The following PHLDB2 variants were observed in gnomAD, a reference collection of about 807,000 sequenced individuals.
PHLDB2 encodes the protein pleckstrin homology like domain family B member 2.
PHLDB2 carries 71 observed loss-of-function variants against 123.6 expected under a neutral mutation model. The ratio of observed to expected loss-of-function variants is 0.57; its 90% CI spans 0.47 to 0.70. The LOEUF is 0.70. PHLDB2 is among the 30% of genes least tolerant of loss of function. The probability of loss-of-function intolerance (pLI) is 0.00; values close to 1 mark genes in which losing one functional copy is unlikely to be tolerated. For synonymous variants in PHLDB2, 547 were observed against 541.6 expected, an observed-to-expected ratio of 1.01 and a Z score of -0.14; for missense variants, 1,446 against 1,519.5, an observed-to-expected ratio of 0.95 and a Z score of 0.80.
At chr3:111,910,285 A>G (rs1210919732) in intron 2 of PHLDB2, among the ~76,000 whole-genome samples, 3 of 152,222 alleles carry the variant, frequency 2.0e-5, no homozygotes, top group Admixed American at 1.3e-4. Context: ...CGAAAAAAAT[A>G]AAAAATATAT....
intron 1 of PHLDB2, among the ~76,000 whole-genome samples, chr3:111,864,571 A>G (rs1397713083): frequency 6.6e-6 from 1 of 152,234 alleles, no homozygotes; most frequent in Non-Finnish European, 1.5e-5. Flanking sequence ...ATAGTTGTCT[A>G]TAGCAGCTAG....
Position 111,884,467 on chromosome 3 carries a change from T to TTATACTG in PHLDB2, c.391_397dup (p.Gly133ValfsTer7). The stretch of plus-strand genomic sequence containing the variant: ...CACTTGGAAGAGCAGACTTTGATCA[T>TTATACTG]TATACTGGCCGGGACAGTGAAAGGG... On this transcript the variant is annotated frameshift_variant, in exon 2 of 18. Transcript: ENST00000431670. LOFTEE classifies it high-confidence loss of function. 1 of 1,614,190 alleles carries TTATACTG rather than the reference T, an allele frequency of 6.2e-7. No individual in the cohort carries two copies. The highest frequency in any genetic ancestry group is 8.5e-7 in the Non-Finnish European group (1 of 1,180,014).
intron 1 of PHLDB2, among the ~76,000 whole-genome samples, chr3:111,758,001 G>C (rs1224402637): frequency 6.6e-6 from 1 of 152,170 alleles, no homozygotes; most frequent in Non-Finnish European, 1.5e-5. Flanking sequence ...TGAGGTGTCA[G>C]TCTGCCCCTA....
intron 2 of PHLDB2, among the ~76,000 whole-genome samples, chr3:111,889,273 T>A (rs2066342838): frequency 6.6e-6 from 1 of 152,200 alleles, no homozygotes; most frequent in African/African-American, 2.4e-5. Flanking sequence ...AGCTGTTTTG[T>A]TGTTGTTTTT....
intron 1 of PHLDB2, among the ~76,000 whole-genome samples, chr3:111,868,324 A>G (rs1432192171): frequency 2.0e-5 from 3 of 152,186 alleles, no homozygotes; most frequent in Non-Finnish European, 4.4e-5. Context: ...CTAGCTTCAT[A>G]CATTGTAAAA....
At chr3:111,957,113 G>A (rs1315842628) in intron 12 of PHLDB2, 1 of 152,632 alleles carries the variant, frequency 6.6e-6, no homozygotes, top group Non-Finnish European at 1.5e-5. Flanking sequence ...TTAAAACAGA[G>A]AGCTGAGAAA....
chr3:111,736,873 A>C (rs2059516897), intron 1 of PHLDB2, among the ~76,000 whole-genome samples: 1 of 152,216 alleles, frequency 6.6e-6, no homozygotes, highest in Non-Finnish European at 1.5e-5. Flanking sequence ...ATAAGATATC[A>C]AAGGGGTTCT....
Position 111,779,949 on chromosome 3 carries a change from A to T in PHLDB2, c.-49+47246A>T, listed in dbSNP as rs527747062. ...GCTATTTATCACCCCACACATTCAG[A>T]TTTTTAGGAAGAGGAGAGTCGAGGA... is the stretch of plus-strand genomic sequence containing the variant. On this transcript the variant is annotated intron_variant, in intron 1 of 17. Transcript: ENST00000393923. The T allele has an allele frequency of 1.3e-5, 11 of 842,060 alleles. No individual in the cohort carries two copies. In the South Asian group the frequency reaches 5.4e-4, roughly 42 times the overall value. 52.2% of individuals were successfully genotyped at this position (842,060 alleles called of 1,614,324 possible). A position where few individuals can be genotyped will look rare whatever the true frequency, so the allele number is the denominator to read the frequency against.
Position 111,884,100 on chromosome 3 carries a change from A to G in PHLDB2, c.23A>G (p.Gln8Arg). 1.2e-6 allele frequency: 2 copies of G among 1,613,806 alleles called. No individual in the cohort carries two copies. The highest frequency in any genetic ancestry group is 1.7e-6 in the Non-Finnish European group (2 of 1,179,848). MEEHSYI[Q>R]KELDLQNGSL... ...ATTATGGAAGAGCATAGCTACATAC[A>G]AAAGGAGCTAGATTTACAAAATGGT... is the stretch of plus-strand genomic sequence containing the variant. The change falls in exon 2 of 18, where the codon CAA becomes CGA. Residue 8 changes from glutamine to arginine, a missense_variant. Gln to Arg is a conservative substitution (Grantham distance 43). Coordinates refer to ENST00000431670, the MANE Select transcript of PHLDB2 (RefSeq NM_001134438.2).
At chr3:111,887,687 A>AT (rs747731541) in intron 2 of PHLDB2, among the ~76,000 whole-genome samples, 133 of 152,258 alleles carry the variant, frequency 8.7e-4, no homozygotes, top group Admixed American at 1.6e-3. Flanking sequence ...TTAGAAATTC[A>AT]TTTTTTATTA....
In PHLDB2 at chr3:111,853,563, A is replaced by G. The variant is rs1203504873; in HGVS notation, c.67+7628A>G. ...CCTCTGTGCAAGGAATGGTACCTAC[A>G]TTAACACACTGGCTCATAAAATGTG... On this transcript the variant is annotated intron_variant, in intron 2 of 17. Transcript: ENST00000393923. 2.0e-5 allele frequency among the ~76,000 whole-genome samples: 3 copies of G among 152,118 alleles called. No individual in the cohort carries two copies. The East Asian group carries it at 5.8e-4, about 29-fold the overall frequency.
chr3:111,949,781 C>G (rs1423979839), intron 10 of PHLDB2: 2 of 985,336 alleles, frequency 2.0e-6, no homozygotes, highest in Non-Finnish European at 2.4e-6. Flanking sequence ...ACATCAGCCC[C>G]ATGGCCTGAA....
chr3:111,780,364 G>C (rs993100405), intron 1 of PHLDB2, among the ~76,000 whole-genome samples: 30 of 34,362 alleles, frequency 8.7e-4, no homozygotes, highest in Admixed American at 1.6e-3. Context: ...AGAAGAAGAA[G>C]AAGAAGAAGA....
At chr3:111,812,373 A>G (rs1186902049) in intron 1 of PHLDB2, among the ~76,000 whole-genome samples, 1 of 152,212 alleles carries the variant, frequency 6.6e-6, no homozygotes, top group African/African-American at 2.4e-5. Context: ...TAAGAACAGT[A>G]CTCTGCAAGG....
intron 1 of PHLDB2, among the ~76,000 whole-genome samples, chr3:111,759,866 ACAAT>A (rs1348969332): frequency 6.6e-6 from 1 of 152,222 alleles, no homozygotes; most frequent in Non-Finnish European, 1.5e-5. Flanking sequence ...TAATTGGGTG[ACAAT>A]CAAGAGTTCG....
At chr3:111,837,638 G>A (rs2108529434) in intron 1 of PHLDB2, among the ~76,000 whole-genome samples, 1 of 152,220 alleles carries the variant, frequency 6.6e-6, no homozygotes, top group East Asian at 1.9e-4. Flanking sequence ...TTTTTTTATG[G>A]GATCATTCTG....
intron 2 of PHLDB2, among the ~76,000 whole-genome samples, chr3:111,902,332 C>T (rs1258802169): frequency 6.6e-6 from 1 of 152,120 alleles, no homozygotes; most frequent in East Asian, 1.9e-4. Flanking sequence ...TAGCTCATGC[C>T]TGTAAATGCC....
rs531200837 is a variant in PHLDB2, at chr3:111,822,315, G to A, written c.-48-23506G>A. Among the ~76,000 whole-genome samples, 398 of 147,386 alleles carry A rather than the reference G, an allele frequency of 2.7e-3. 1 individual carries two copies. The highest frequency in any genetic ancestry group is 6.5e-3 in the Admixed American group (97 of 14,996). On this transcript the variant is annotated intron_variant, in intron 1 of 17. Coordinates refer to the PHLDB2 transcript ENST00000393923. ...TATGTATGTGTGTGTGTGTGTGTGT[G>A]TGTATATATATATATATAATGGTAC... is the stretch of plus-strand genomic sequence containing the variant.
chr3:111,849,311 T>C (rs1035049166), intron 2 of PHLDB2, among the ~76,000 whole-genome samples: 5 of 151,786 alleles, frequency 3.3e-5, no homozygotes, highest in African/African-American at 9.7e-5. Context: ...GGTAAGACTA[T>C]AGGCCCAAGA....
Sources: allele counts gnomAD v4.1 joint callset (sites outside exome capture counted in the v4.1 genomes callset), GRCh38; gene constraint gnomAD v4.1.1; transcripts MANE v1.5; gene names NCBI Gene and HGNC (gene_info 2026-07-23, HGNC 2026-07-21).